The following PEAK1 variants were observed in gnomAD, a reference collection of about 807,000 sequenced individuals.
The protein encoded by PEAK1 is pseudopodium enriched atypical kinase 1.
A neutral mutation model predicts 124.7 loss-of-function variants in PEAK1; 54 were observed. That is an observed-to-expected ratio of 0.43 (90% confidence interval 0.35 to 0.54). PEAK1 has a LOEUF of 0.54. Ranked by LOEUF, PEAK1 falls within the 20% of genes least tolerant of loss-of-function variation. The pLI, the probability that PEAK1 is intolerant of heterozygous loss-of-function variation, is 0.01. For synonymous variants in PEAK1, 719 were observed against 760.0 expected (o/e 0.95, Z 0.89); for missense variants, 2,046 against 2,134.5 (o/e 0.96, Z 0.82).
chr15:77,227,153 G>T (rs148811230), intron 6 of PEAK1, among the ~76,000 whole-genome samples: 72 of 152,282 alleles, frequency 4.7e-4, no homozygotes, highest in African/African-American at 1.6e-3. Flanking sequence ...CAAAGGAAGA[G>T]AACTTGTATT....
At position 77,128,411 on chromosome 15, in the gene PEAK1, A is replaced by C. The variant is rs765029615; in HGVS notation, c.4077+4594T>G. Among the ~76,000 whole-genome samples the C allele has an allele frequency of 2.6e-5, 4 of 152,314 alleles. No individual in the cohort carries two copies. The South Asian group carries it at 6.2e-4, about 24-fold the overall frequency. ...AAACATCAGGGCTGCTTTTCCCACCAAAGGACCAGTAGGCAAGGCTGTTCC... is the reference window on the plus strand; with the variant it reads ...AAACATCAGGGCTGCTTTTCCCACCCAAGGACCAGTAGGCAAGGCTGTTCC... On this transcript the variant is annotated intron_variant, in intron 9 of 9. Transcript: ENST00000682557.
chr15:77,183,144 G>A (rs1251351452), intron 6 of PEAK1, among the ~76,000 whole-genome samples: 3 of 152,178 alleles, frequency 2.0e-5, no homozygotes, highest in Admixed American at 6.5e-5. Flanking sequence ...AAATCAAAAC[G>A]AGAATAATGT....
chr15:77,128,650 T>C (rs1484994487), intron 9 of PEAK1, among the ~76,000 whole-genome samples: 2 of 152,190 alleles, frequency 1.3e-5, no homozygotes, highest in African/African-American at 4.8e-5. Flanking sequence ...TTGCTCAGGA[T>C]TTATCACTCC....
chr15:77,117,221 C>A (rs939109814), intron 9 of PEAK1, among the ~76,000 whole-genome samples: 3 of 152,138 alleles, frequency 2.0e-5, no homozygotes, highest in Non-Finnish European at 2.9e-5. Context: ...TAAACTCTAG[C>A]TGTTACATTA....
At chr15:77,121,826 T>C (rs551899684) in intron 9 of PEAK1, among the ~76,000 whole-genome samples, 5 of 152,270 alleles carry the variant, frequency 3.3e-5, no homozygotes, top group African/African-American at 9.6e-5. Flanking sequence ...ATGGATGCTA[T>C]AGGGAATGAA....
At chr15:77,243,973 TAAA>T (rs566829498) in intron 6 of PEAK1, among the ~76,000 whole-genome samples, 3 of 110,590 alleles carry the variant, frequency 2.7e-5, no homozygotes, top group Non-Finnish European at 5.9e-5. Flanking sequence ...TTTCTCAAAA[TAAA>T]AAAAAAAAAA....
chr15:77,322,739 A>C (rs2065306141), intron 2 of PEAK1, among the ~76,000 whole-genome samples: 1 of 152,210 alleles, frequency 6.6e-6, no homozygotes, highest in South Asian at 2.1e-4. Context: ...AAACTATTCC[A>C]ATTAATAGAA....
intron 7 of PEAK1, among the ~76,000 whole-genome samples, chr15:77,159,316 A>C (rs375898967): frequency 1.3e-5 from 2 of 152,318 alleles, no homozygotes; most frequent in African/African-American, 4.8e-5. Context: ...AATGGAAAAG[A>C]AAGTTCGTAG....
rs534039326 is a variant in PEAK1 at position 77,300,315 on chromosome 15, T to C, written c.-602-13811A>G. ...AACAGCAAGGTTGACTACAGGATGT[T>C]TGAGGAAGAGAGGAGTACTGTTAGT... On this transcript the variant is annotated intron_variant, in intron 2 of 9. Coordinates refer to ENST00000682557, the MANE Select transcript of PEAK1 (RefSeq NM_001385026.1). Among the ~76,000 whole-genome samples the C allele has an allele frequency of 1.8e-4, 27 of 152,366 alleles. No individual in the cohort carries two copies. In the South Asian group the frequency reaches 4.8e-3, roughly 27 times the overall value.
At chr15:77,189,662 A>C (rs952651628) in intron 6 of PEAK1, among the ~76,000 whole-genome samples, 1 of 152,210 alleles carries the variant, frequency 6.6e-6, no homozygotes, top group Non-Finnish European at 1.5e-5. Flanking sequence ...TGAGGAAGTA[A>C]TATTACGAGG....
chr15:77,252,244 T>C (rs2060915164), intron 6 of PEAK1, 123 bp downstream of exon 6: 1 of 529,254 alleles, frequency 1.9e-6, no homozygotes, highest in Non-Finnish European at 2.4e-6. Flanking sequence ...AAATAAGTTA[T>C]AAAATGTTCA....
chr15:77,351,605 A>T, intron 2 of PEAK1: 1 of 639,652 alleles, frequency 1.6e-6, no homozygotes, highest in Middle Eastern at 8.0e-4. Context: ...GCTCAGGCCC[A>T]CTCCCACACT....
chr15:77,115,405 GT>G, intron 9 of PEAK1, 86 bp from the exon 10 acceptor site: 1 of 1,248,300 alleles, frequency 8.0e-7, no homozygotes, highest in Non-Finnish European at 1.1e-6. Context: ...AAGGTGACTG[GT>G]TAGGGACAAA....
intron 7 of PEAK1, 154 bp downstream of exon 7, chr15:77,178,636 C>T (rs2057032882): frequency 1.3e-6 from 1 of 766,858 alleles, no homozygotes; most frequent in Non-Finnish European, 2.0e-6. Flanking sequence ...TAATACTATT[C>T]TAATCTTGGA....
chr15:77,376,670 T>C (rs994035682), intron 1 of PEAK1, among the ~76,000 whole-genome samples: 1 of 152,178 alleles, frequency 6.6e-6, no homozygotes, highest in African/African-American at 2.4e-5. Flanking sequence ...TAATGAAAAA[T>C]TTAAAGAGTA....
At chr15:77,352,435 T>C (rs888989077) in intron 2 of PEAK1, 2 of 984,968 alleles carry the variant, frequency 2.0e-6, no homozygotes, top group African/African-American at 3.5e-5. Context: ...CACGCACCAC[T>C]AGGCCTGAAG....
At chr15:77,372,222 G>A (rs2068693044) in intron 1 of PEAK1, among the ~76,000 whole-genome samples, 1 of 152,140 alleles carries the variant, frequency 6.6e-6, no homozygotes, top group African/African-American at 2.4e-5. Context: ...GCTCTGAATT[G>A]AATTATTCAA....
At chr15:77,195,432 G>T (rs1462790060) in intron 6 of PEAK1, among the ~76,000 whole-genome samples, 1 of 152,124 alleles carries the variant, frequency 6.6e-6, no homozygotes, top group Non-Finnish European at 1.5e-5. Flanking sequence ...GAGAGAAAAA[G>T]AAATGAACCC....
At chr15:77,409,837 A>G (rs1401473337) in intron 1 of PEAK1, among the ~76,000 whole-genome samples, 1 of 152,102 alleles carries the variant, frequency 6.6e-6, no homozygotes, top group Non-Finnish European at 1.5e-5. Context: ...TCACCTCACA[A>G]CCCCATAAAG....
Sources: gnomAD v4.1 joint callset for allele counts (sites outside exome capture counted in the v4.1 genomes callset) on GRCh38, gnomAD v4.1.1 for gene constraint, MANE v1.5 for transcripts, NCBI Gene and HGNC (gene_info 2026-07-23, HGNC 2026-07-21) for gene names.